The following COL8A1 variants were observed in gnomAD, a reference collection of about 807,000 sequenced individuals.
The protein encoded by COL8A1 is collagen alpha-1(VIII) chain.
COL8A1 carries 21 observed loss-of-function variants against 42.7 expected under a neutral mutation model. The ratio of observed to expected loss-of-function variants is 0.49; its 90% CI spans 0.35 to 0.71. The LOEUF (loss-of-function observed/expected upper bound fraction) is 0.71, where lower values mean the gene tolerates loss of function less well. Among genes scored for constraint, COL8A1 ranks in the 30% least tolerant of loss-of-function variants. The pLI is 0.01. For synonymous variants in COL8A1, 367 were observed against 369.1 expected, an observed-to-expected ratio of 0.99 and a Z score of 0.06; for missense variants, 788 against 962.4, an observed-to-expected ratio of 0.82 and a Z score of 2.40.
intron 1 of COL8A1, among the ~76,000 whole-genome samples, chr3:99,664,486 A>T (rs1938302198): frequency 2.0e-5 from 3 of 152,124 alleles, no homozygotes; most frequent in Non-Finnish European, 4.4e-5. Context: ...GTATAATAAA[A>T]AAAAAATAAA....
intron 2 of COL8A1, 37 bp from the exon 3 acceptor site, chr3:99,790,641 CAG>C: frequency 6.4e-7 from 1 of 1,571,120 alleles, no homozygotes; most frequent in Non-Finnish European, 8.7e-7. Context: ...CTTGGCCTTG[CAG>C]AGTTTCACCA....
chr3:99,763,329 T>A (rs1265038474), intron 2 of COL8A1, among the ~76,000 whole-genome samples: 1 of 152,128 alleles, frequency 6.6e-6, no homozygotes, highest in African/African-American at 2.4e-5. Context: ...GTCAGAGAAA[T>A]GTACTCTGGG....
chr3:99,691,688 G>C (rs1418755797), intron 1 of COL8A1: 23 of 117,350 alleles, frequency 2.0e-4, no homozygotes, highest in African/African-American at 6.9e-4. Flanking sequence ...TTAGCAGTGA[G>C]CTTTTTTTTT....
chr3:99,667,756 T>A (rs1005340279), intron 1 of COL8A1, among the ~76,000 whole-genome samples: 1 of 152,056 alleles, frequency 6.6e-6, no homozygotes, highest in Non-Finnish European at 1.5e-5. Flanking sequence ...ATAGAAGAAA[T>A]AAAATGTCCA....
At chr3:99,702,476 A>G (rs146238983) in intron 1 of COL8A1, among the ~76,000 whole-genome samples, 67 of 152,338 alleles carry the variant, frequency 4.4e-4, no homozygotes, top group African/African-American at 1.5e-3. Context: ...GTGTCCAAAG[A>G]GAACATAAAT....
At chr3:99,727,452 T>A (rs1329821190) in intron 1 of COL8A1, among the ~76,000 whole-genome samples, 1 of 152,166 alleles carries the variant, frequency 6.6e-6, no homozygotes, top group East Asian at 1.9e-4. Context: ...AACAGTATGT[T>A]GAATAGGAGT....
chr3:99,736,526 T>C (rs1187680072), intron 1 of COL8A1, among the ~76,000 whole-genome samples: 2 of 152,118 alleles, frequency 1.3e-5, no homozygotes, highest in East Asian at 1.9e-4. Context: ...TCAGTTTCCA[T>C]GTAGTTGAGC....
intron 2 of COL8A1, among the ~76,000 whole-genome samples, chr3:99,751,196 G>C (rs1422997914): frequency 1.3e-5 from 2 of 152,142 alleles, no homozygotes; most frequent in Admixed American, 1.3e-4. Context: ...ATTAGAGCTG[G>C]AAGGGGCCTT....
At chr3:99,666,716 T>C (rs1938377414) in intron 1 of COL8A1, among the ~76,000 whole-genome samples, 1 of 152,222 alleles carries the variant, frequency 6.6e-6, no homozygotes, top group Admixed American at 6.5e-5. Flanking sequence ...TCTCTGTCCT[T>C]CCTTTGTTCC....
intron 1 of COL8A1, among the ~76,000 whole-genome samples, chr3:99,687,509 G>A (rs1176832377): frequency 2.0e-5 from 3 of 152,212 alleles, no homozygotes; most frequent in African/African-American, 7.2e-5. Flanking sequence ...ATGAGGTTGA[G>A]AGTGGGGAGC....
At chr3:99,726,913 A>G (rs1468387376) in intron 1 of COL8A1, among the ~76,000 whole-genome samples, 1 of 152,166 alleles carries the variant, frequency 6.6e-6, no homozygotes, top group African/African-American at 2.4e-5. Context: ...TTGGTTCCAC[A>G]TGAATTTTAA....
intron 2 of COL8A1, among the ~76,000 whole-genome samples, chr3:99,753,289 A>C (rs792842): frequency 0.086 from 13,056 of 152,216 alleles, 766 homozygotes; most frequent in Middle Eastern, 0.2. Context: ...GGATCCTGAC[A>C]CTGTCCTGTT....
chr3:99,762,369 T>TAA (rs1941381032), intron 2 of COL8A1, among the ~76,000 whole-genome samples: 1 of 152,206 alleles, frequency 6.6e-6, no homozygotes, highest in Non-Finnish European at 1.5e-5. Context: ...CTTAAATACT[T>TAA]AAAAGTTATC....
At chr3:99,681,657 A>T (rs1190379504) in intron 1 of COL8A1, among the ~76,000 whole-genome samples, 1 of 152,224 alleles carries the variant, frequency 6.6e-6, no homozygotes, top group Non-Finnish European at 1.5e-5. Flanking sequence ...TTACAACAGC[A>T]GGTGGTGCTT....
intron 1 of COL8A1, among the ~76,000 whole-genome samples, chr3:99,665,110 A>G (rs1481898228): frequency 1.3e-5 from 2 of 152,180 alleles, no homozygotes; most frequent in African/African-American, 4.8e-5. Flanking sequence ...ATCCCCTTCC[A>G]TGTTGCCATT....
intron 1 of COL8A1, among the ~76,000 whole-genome samples, chr3:99,743,517 G>C (rs905751907): frequency 6.6e-6 from 1 of 152,116 alleles, no homozygotes; most frequent in Non-Finnish European, 1.5e-5. Context: ...AGACATTCAA[G>C]TACTTCCTCA....
intron 2 of COL8A1, among the ~76,000 whole-genome samples, chr3:99,770,089 G>A (rs543661365): frequency 3.9e-5 from 6 of 152,312 alleles, no homozygotes; most frequent in Admixed American, 3.9e-4. Context: ...TTGTGCAGAA[G>A]TATGATTAGA....
At chr3:99,731,882 AATT>A (rs1438997402) in intron 1 of COL8A1, among the ~76,000 whole-genome samples, 1 of 152,184 alleles carries the variant, frequency 6.6e-6, no homozygotes, top group African/African-American at 2.4e-5. Flanking sequence ...ACTCATGAAC[AATT>A]ATTATGCTTA....
intron 1 of COL8A1, among the ~76,000 whole-genome samples, chr3:99,711,761 T>C (rs1939841849): frequency 6.6e-6 from 1 of 152,140 alleles, no homozygotes; most frequent in African/African-American, 2.4e-5. Context: ...AGAGAGTATA[T>C]GGGATACAGA....
Sources: gnomAD v4.1 joint callset for allele counts (sites outside exome capture counted in the v4.1 genomes callset) on GRCh38, gnomAD v4.1.1 for gene constraint, MANE v1.5 for transcripts, NCBI Gene and HGNC (gene_info 2026-07-23, HGNC 2026-07-21) for gene names.